The following GABRA5 variants were observed in gnomAD, a reference collection of about 807,000 sequenced individuals.
GABRA5 encodes the protein gamma-aminobutyric acid type A receptor subunit alpha5, also known as gamma-aminobutyric acid receptor subunit alpha-5.
Under a neutral mutation model 47.3 loss-of-function variants are expected in GABRA5, and 18 were observed. That is an observed-to-expected ratio of 0.38 (90% confidence interval 0.26 to 0.56). The LOEUF is 0.56. Among genes scored for constraint, GABRA5 ranks in the 20% least tolerant of loss-of-function variants. The probability of loss-of-function intolerance (pLI) is 0.71; values close to 1 mark genes in which losing one functional copy is unlikely to be tolerated. For synonymous variants in GABRA5, 237 were observed against 229.3 expected (o/e 1.03, Z -0.30); for missense variants, 365 against 599.3 (o/e 0.61, Z 4.08).
At chr15:26,905,670 A>AT (rs200563045) in intron 6 of GABRA5, among the ~76,000 whole-genome samples, 1 of 149,956 alleles carries the variant, frequency 6.7e-6, no homozygotes, top group Non-Finnish European at 1.5e-5. Flanking sequence ...ATTTTTCTTC[A>AT]TTTTTTTTCT....
chr15:26,935,654 C>A (rs150337425), intron 7 of GABRA5, among the ~76,000 whole-genome samples: 1 of 152,224 alleles, frequency 6.6e-6, no homozygotes, highest in East Asian at 1.9e-4. Flanking sequence ...ACAGCCTCCA[C>A]ACTTCACGAA....
At chr15:26,899,795 G>A (rs144269139) in intron 6 of GABRA5, among the ~76,000 whole-genome samples, 1 of 152,186 alleles carries the variant, frequency 6.6e-6, no homozygotes, top group Non-Finnish European at 1.5e-5. Context: ...ACTAAAATGA[G>A]TCCTCGTACA....
At chr15:26,871,844 T>C (rs1460093853) in intron 3 of GABRA5, among the ~76,000 whole-genome samples, 8 of 152,384 alleles carry the variant, frequency 5.2e-5, no homozygotes, top group Admixed American at 5.2e-4. Flanking sequence ...GATTTTGCTG[T>C]TATAAATTTT....
At chr15:26,871,025 C>G (rs1011422454) in intron 3 of GABRA5, among the ~76,000 whole-genome samples, 1 of 152,156 alleles carries the variant, frequency 6.6e-6, no homozygotes, top group East Asian at 1.9e-4. Context: ...GAAACCCCAT[C>G]TCTATTAAAA....
chr15:26,899,139 A>G (rs2075985042), intron 6 of GABRA5, among the ~76,000 whole-genome samples: 1 of 152,212 alleles, frequency 6.6e-6, no homozygotes, highest in Non-Finnish European at 1.5e-5. Context: ...CTGGGATTAC[A>G]GGTGTGAGCC....
intron 6 of GABRA5, among the ~76,000 whole-genome samples, chr15:26,910,000 C>T (rs930189159): frequency 4.6e-5 from 7 of 152,142 alleles, no homozygotes; most frequent in Non-Finnish European, 8.8e-5. Context: ...TGTCATTGAA[C>T]TGGTAATAGC....
chr15:26,869,914 C>A (rs550295612), intron 3 of GABRA5, among the ~76,000 whole-genome samples: 1 of 152,318 alleles, frequency 6.6e-6, no homozygotes, highest in South Asian at 2.1e-4. Context: ...TTTCCAGTAA[C>A]CCCTCTTTCA....
chr15:26,939,396 G>A, intron 8 of GABRA5: 1 of 765,266 alleles, frequency 1.3e-6, no homozygotes, highest in Non-Finnish European at 2.4e-6. Context: ...GTGGCAGAAG[G>A]GTTGAGCTGC....
At chr15:26,912,645 G>A (rs1303991110) in intron 6 of GABRA5, among the ~76,000 whole-genome samples, 1 of 152,126 alleles carries the variant, frequency 6.6e-6, no homozygotes, top group Non-Finnish European at 1.5e-5. Context: ...CGTACACATG[G>A]ATGCTAGAAT....
chr15:26,877,943 A>T (rs1036538157), intron 3 of GABRA5, among the ~76,000 whole-genome samples: 1 of 152,186 alleles, frequency 6.6e-6, no homozygotes, highest in African/African-American at 2.4e-5. Context: ...TGGAGCCTTT[A>T]TTTGTCCTTG....
At chr15:26,893,408 T>TGGGTATGGTGTG (rs1893080765) in intron 6 of GABRA5, among the ~76,000 whole-genome samples, 3 of 72,726 alleles carry the variant, frequency 4.1e-5, no homozygotes, top group Non-Finnish European at 8.9e-5. Flanking sequence ...TGGTGTGTTG[T>TGGGTATGGTGTG]GTGTGTTGTG....
At chr15:26,942,235 G>A (rs756168736) in intron 9 of GABRA5, among the ~76,000 whole-genome samples, 1 of 152,234 alleles carries the variant, frequency 6.6e-6, no homozygotes, top group Non-Finnish European at 1.5e-5. Context: ...TTAGACGAGA[G>A]TCTGACACTC....
intron 6 of GABRA5, among the ~76,000 whole-genome samples, chr15:26,889,534 G>C (rs1595401932): frequency 6.6e-6 from 1 of 152,238 alleles, no homozygotes; most frequent in South Asian, 2.1e-4. Context: ...TTCATGATTG[G>C]TAGTCAATAT....
At chr15:26,932,089 C>A (rs145986990) in intron 7 of GABRA5, among the ~76,000 whole-genome samples, 2,933 of 152,254 alleles carry the variant, frequency 0.019, 83 homozygotes, top group Admixed American at 0.084. Flanking sequence ...ATGTCAAAAG[C>A]AGTTTCAAAA....
chr15:26,892,010 A>C (rs1019061925), intron 6 of GABRA5, among the ~76,000 whole-genome samples: 7 of 152,218 alleles, frequency 4.6e-5, no homozygotes, highest in African/African-American at 1.7e-4. Flanking sequence ...CGGAGCAGCC[A>C]CCGCCTGGCA....
At chr15:26,925,518 G>A (rs1328189487) in intron 7 of GABRA5, among the ~76,000 whole-genome samples, 2 of 151,988 alleles carry the variant, frequency 1.3e-5, no homozygotes, top group Non-Finnish European at 1.5e-5. Flanking sequence ...TTTACTGTTA[G>A]TTTTTTATTA....
intron 7 of GABRA5, among the ~76,000 whole-genome samples, chr15:26,920,992 C>T (rs1427519854): frequency 6.6e-6 from 1 of 152,136 alleles, no homozygotes; most frequent in African/African-American, 2.4e-5. Flanking sequence ...TGCCTTGCAG[C>T]CCTGGAATAA....
intron 7 of GABRA5, among the ~76,000 whole-genome samples, chr15:26,925,807 C>T (rs969039981): frequency 6.6e-6 from 1 of 152,098 alleles, no homozygotes; most frequent in African/African-American, 2.4e-5. Context: ...TGTTTTTAAG[C>T]CAGTTAACTT....
intron 6 of GABRA5, among the ~76,000 whole-genome samples, chr15:26,890,645 C>CTG (rs1892984207): frequency 6.6e-6 from 1 of 152,164 alleles, no homozygotes; most frequent in South Asian, 2.1e-4. Flanking sequence ...CACCAGCCTG[C>CTG]TGTGGCCCCA....
Sources: allele counts gnomAD v4.1 joint callset (sites outside exome capture counted in the v4.1 genomes callset), GRCh38; gene constraint gnomAD v4.1.1; transcripts MANE v1.5; gene names NCBI Gene and HGNC (gene_info 2026-07-23, HGNC 2026-07-21).